DOCK6: variants seen among roughly 807,000 people sequenced by gnomAD.
DOCK6 encodes dedicator of cytokinesis protein 6.
A neutral mutation model predicts 230.3 loss-of-function variants in DOCK6; 167 were observed. That is an observed-to-expected ratio of 0.73 (90% confidence interval 0.64 to 0.82). The LOEUF (loss-of-function observed/expected upper bound fraction) is 0.82. Ranked by LOEUF, DOCK6 falls within the 40% of genes least tolerant of loss-of-function variation. The pLI, the probability that DOCK6 is intolerant of heterozygous loss-of-function variation, is 0.00. For synonymous variants in DOCK6, 1,148 were observed against 1,185.0 expected (o/e 0.97, Z 0.64); for missense variants, 2,598 against 2,825.8 (o/e 0.92, Z 1.83).
At chr19:11,256,211 G>A (rs891004631) in intron 1 of DOCK6, among the ~76,000 whole-genome samples, 5 of 152,086 alleles carry the variant, frequency 3.3e-5, no homozygotes, top group Non-Finnish European at 5.9e-5. Flanking sequence ...TCCTAAAGTC[G>A]GGCTGCTGCC....
intron 39 of DOCK6, among the ~76,000 whole-genome samples, chr19:11,204,966 G>C (rs1474578320): frequency 1.3e-5 from 2 of 152,122 alleles, no homozygotes; most frequent in East Asian, 3.9e-4. Context: ...AAAGAGGAAA[G>C]TGAGTCTCAG....
Position 11,214,643 on chromosome 19 carries a change from C to A in DOCK6, c.4113G>T (p.Lys1371Asn). The A allele has an allele frequency of 6.2e-7, 1 of 1,613,584 alleles. No homozygotes were observed. The highest frequency in any genetic ancestry group is 8.5e-7 in the Non-Finnish European group (1 of 1,179,764). The stretch of plus-strand genomic sequence containing the variant: ...CCAAGGCCTCGTGTTCCATTTCATC[C>A]TTGGTCCTGGAAGGGGAAAGGAGGT... ...KQTSDRVDKT[K>N]DEMEHEALVE... Residue 1371 changes from lysine to asparagine, a missense_variant, in exon 33 of 48, where the codon AAG becomes AAT. Lys to Asn is a moderately conservative substitution (Grantham distance 94). Coordinates refer to ENST00000294618, the MANE Select transcript of DOCK6 (RefSeq NM_020812.4).
In DOCK6 at chr19:11,222,886, G is replaced by T; in HGVS notation, c.3089C>A (p.Ser1030Ter). The change falls in exon 26 of 48, where the codon TCG (serine) becomes TAG (stop). Residue 1030 changes from serine (S) to a stop codon, truncating the protein, a stop_gained. Transcript: ENST00000294618. LOFTEE classifies it high-confidence loss of function. The surrounding 1 kb of genome is among the most constrained non-coding windows in gnomAD (Gnocchi z 4.0). The part of the protein sequence containing the change: ...HYKQVATRLQ[S>*]SPNPAALLTL... ...CAGCAGGGCTGCTGGATTAGGGGAC[G>T]ACTGGAGCCGCGTGGCCACCTGCAG... The T allele has an allele frequency of 6.2e-7, 1 of 1,608,264 alleles. No individual in the cohort carries two copies. The highest frequency in any genetic ancestry group is 8.5e-7 in the Non-Finnish European group (1 of 1,177,682).
At chr19:11,234,547 T>C (rs1212727520) in intron 21 of DOCK6, among the ~76,000 whole-genome samples, 5 of 151,854 alleles carry the variant, frequency 3.3e-5, no homozygotes, top group African/African-American at 7.3e-5. Flanking sequence ...GGGTTCACTA[T>C]GTGCTAACCA....
Position 11,214,409 on chromosome 19 carries a change from T to A in DOCK6, c.4204A>T (p.Thr1402Ser). The A allele has an allele frequency of 6.2e-7, 1 of 1,613,594 alleles. No individual in the cohort carries two copies. The highest frequency in any genetic ancestry group is 8.5e-7 in the Non-Finnish European group (1 of 1,179,832). Residue 1402 changes from threonine (T) to serine (S), a missense_variant and splice_region_variant, in exon 34 of 48, where the codon ACG becomes TCG. Transcript: ENST00000294618. ...VLDTLEIIVQ[T>S]VMLSEARESV... Reference sequence around the variant, plus strand: ...TCCCGGGCTTCTGAAAGCATCACCGTCTGGAGGGAAGGGGGTCAGAAATCC... The same window carrying A: ...TCCCGGGCTTCTGAAAGCATCACCGACTGGAGGGAAGGGGGTCAGAAATCC...
rs780862875 is a variant in DOCK6 at position 11,243,746 on chromosome 19, C to T, written c.1105-36G>A. On this transcript the variant is annotated intron_variant, in intron 10 of 47. Coordinates refer to ENST00000294618, the MANE Select transcript of DOCK6 (RefSeq NM_020812.4). This position sits in a 1 kb window ranked among gnomAD's most constrained non-coding sequence, Gnocchi z 6.3. ...ACCCCGTCCCCTGCCAGCTCAGCATCCTAGCCCTGCTGAGTCAGGGATCTG... is the reference window on the plus strand; with the variant it reads ...ACCCCGTCCCCTGCCAGCTCAGCATTCTAGCCCTGCTGAGTCAGGGATCTG... 17 of 1,613,756 alleles carry T rather than the reference C, an allele frequency of 1.1e-5. No individual in the cohort carries two copies. The South Asian group carries it at 1.6e-4, about 16-fold the overall frequency.
chr19:11,211,743 G>C (rs1331757378), intron 37 of DOCK6, 33 bp downstream of exon 37: 1 of 1,503,918 alleles, frequency 6.6e-7, no homozygotes, highest in African/African-American at 1.4e-5. Flanking sequence ...TGGGGCGTGG[G>C]CGTGGCTGAA....
chr19:11,242,172 T>A lies in DOCK6; in HGVS notation c.1516A>T (p.Asn506Tyr). The A allele has an allele frequency of 1.4e-6, 2 of 1,461,918 alleles. No homozygotes were observed. The highest frequency in any genetic ancestry group is 1.8e-6 in the Non-Finnish European group (2 of 1,107,924). The allele number at this position is 1,461,918 out of a possible 1,614,324, so 90.6% of individuals were successfully genotyped here. The change falls in exon 14 of 48, where the codon AAT becomes TAT. Residue 506 changes from asparagine (N) to tyrosine (Y), a missense_variant. Physicochemically the swap from Asn to Tyr is moderately radical, Grantham distance 143. Transcript: ENST00000294618. ...LKIDISPAPE[N>Y]PHFCLSPELL... Reference sequence around the variant, plus strand: ...TCAGGGGAGAGGCAGAAGTGGGGATTTTCAGGAGCCGGAGAAATGTCGATC... The same window carrying A: ...TCAGGGGAGAGGCAGAAGTGGGGATATTCAGGAGCCGGAGAAATGTCGATC...
At chr19:11,241,979 A>G (rs917825132) in intron 14 of DOCK6, 66 bp downstream of exon 14, 102 of 1,503,848 alleles carry the variant, frequency 6.8e-5, no homozygotes, top group Admixed American at 3.7e-4. Context: ...GCTTAGGGAG[A>G]CCCCACCCAG....
chr19:11,261,958 G>A (rs1158322861), intron 1 of DOCK6, among the ~76,000 whole-genome samples: 1 of 152,128 alleles, frequency 6.6e-6, no homozygotes, highest in Non-Finnish European at 1.5e-5. Flanking sequence ...TCAGAGCCTG[G>A]AGCCTCCCTG....
At chr19:11,241,523 C>T in intron 14 of DOCK6, 1 of 1,552,806 alleles carries the variant, frequency 6.4e-7, no homozygotes, top group Non-Finnish European at 8.7e-7. Flanking sequence ...GATGGTGGCA[C>T]AGCAGCATCG....
At chr19:11,256,936 C>A (rs936578539) in intron 1 of DOCK6, among the ~76,000 whole-genome samples, 2 of 152,072 alleles carry the variant, frequency 1.3e-5, no homozygotes, top group African/African-American at 2.4e-5. Context: ...ACCTCAGCCT[C>A]CCAAAGTCCT....
intron 1 of DOCK6, among the ~76,000 whole-genome samples, chr19:11,261,234 C>T (rs1444898987): frequency 2.0e-5 from 3 of 152,006 alleles, no homozygotes; most frequent in African/African-American, 7.2e-5. Flanking sequence ...ACTCTTTCCC[C>T]CCACAAACTG....
intron 28 of DOCK6, among the ~76,000 whole-genome samples, chr19:11,218,127 G>A (rs887152082): frequency 4.6e-5 from 7 of 152,024 alleles, no homozygotes; most frequent in Non-Finnish European, 8.8e-5. Context: ...TGGGACTATA[G>A]GCATGAGCCA....
chr19:11,213,198 C>A lies in DOCK6; in HGVS notation c.4469G>T (p.Arg1490Leu). The change falls in exon 35 of 48, where the codon CGA becomes CTA. Residue 1490 changes from arginine (R) to leucine (L), a missense_variant. Arg to Leu is a moderately radical substitution (Grantham distance 102). Coordinates refer to ENST00000294618, the MANE Select transcript of DOCK6 (RefSeq NM_020812.4). The part of the protein sequence containing the change: ...HASASLYLLM[R>L]QNFEIGHNFA... ...CACGTGGCCGATCTCGAAGTTCTGT[C>A]GCATGAGCAGGTACAGCGAGGCGCT... 6.2e-7 allele frequency: 1 copy of A among 1,612,776 alleles called. No homozygotes were observed. Among genetic ancestry groups the A allele is most frequent in the African/African-American group, 1.3e-5 (1 of 75,028 alleles).
chr19:11,261,800 G>A (rs1347235286), intron 1 of DOCK6, among the ~76,000 whole-genome samples: 8 of 151,806 alleles, frequency 5.3e-5, no homozygotes, highest in Non-Finnish European at 1.2e-4. Context: ...TGACGGGAGA[G>A]CCTGAAGCAG....
Position 11,200,269 on chromosome 19 carries a change from C to G in DOCK6, c.6101+39G>C. 6.5e-7 allele frequency: 1 copy of G among 1,540,956 alleles called. No homozygotes were observed. The highest frequency in any genetic ancestry group is 8.8e-7 in the Non-Finnish European group (1 of 1,141,706). On this transcript the variant is annotated intron_variant, in intron 47 of 47. Coordinates refer to ENST00000294618, the MANE Select transcript of DOCK6 (RefSeq NM_020812.4). The surrounding 1 kb of genome is among the most constrained non-coding windows in gnomAD (Gnocchi z 4.3). ...CCTGTCCTGGTCTGCCTCTGCATCC[C>G]CTCTCTAGTCTCTAGGATGGGGGCA... is the stretch of plus-strand genomic sequence containing the variant.
Position 11,243,629 on chromosome 19 carries a change from A to G in DOCK6, c.1186T>C (p.Trp396Arg), listed in dbSNP as rs1287771991. 1.2e-6 allele frequency: 2 copies of G among 1,612,418 alleles called. No homozygotes were observed. The highest frequency in any genetic ancestry group is 1.3e-5 in the African/African-American group (1 of 75,030). The change falls in exon 11 of 48, where the codon TGG (tryptophan) becomes CGG (arginine). Residue 396 changes from tryptophan to arginine, a missense_variant. By Grantham distance (101) the Trp-to-Arg change is moderately radical. Transcript: ENST00000294618. The surrounding 1 kb of genome is among the most constrained non-coding windows in gnomAD (Gnocchi z 6.3). ...RLGRYRMPFA[W>R]TAVHLANIVS... is the part of the protein sequence containing the mutation. The stretch of plus-strand genomic sequence containing the variant: ...ATGTTGGCCAAGTGCACGGCCGTCC[A>G]GGCGAAGGGCATGCGGTAGCGGCCC...
intron 39 of DOCK6, 141 bp downstream of exon 39, chr19:11,208,545 C>T: frequency 8.1e-7 from 1 of 1,239,404 alleles, no homozygotes; most frequent in Non-Finnish European, 1.1e-6. Context: ...TCCCAAAGTG[C>T]TGGGGTTACA....
Sources: gnomAD v4.1 joint callset for allele counts (sites outside exome capture counted in the v4.1 genomes callset) on GRCh38, gnomAD v4.1.1 for gene constraint, Gnocchi (gnomAD v3.1) non-coding constraint, MANE v1.5 for transcripts, NCBI Gene and HGNC (gene_info 2026-07-23, HGNC 2026-07-21) for gene names.